ARMC12: variants seen among roughly 807,000 people sequenced by gnomAD.
ARMC12 encodes the protein armadillo repeat-containing protein 12.
In ARMC12, 25 loss-of-function variants were observed where a neutral mutation model predicts 37.4. That is an observed-to-expected ratio of 0.67 (90% CI 0.49 to 0.93). The LOEUF is 0.93. Among genes scored for constraint, ARMC12 ranks in the 40% least tolerant of loss-of-function variants. The probability of loss-of-function intolerance (pLI) is 0.00; values close to 1 mark genes in which losing one functional copy is unlikely to be tolerated. For synonymous variants in ARMC12, 167 were observed against 176.1 expected (o/e 0.95, Z 0.41); for missense variants, 384 against 426.6 (o/e 0.90, Z 0.88).
In ARMC12 at chr6:35,748,593, A is replaced by T; in HGVS notation, c.746A>T (p.Tyr249Phe). Reference sequence around the variant, plus strand: ...CCCACACAGTCAGGGAGTCTCCTGTATGAGGTACTGGTGTTTGCTGAGCGG... The same window carrying T: ...CCCACACAGTCAGGGAGTCTCCTGTTTGAGGTACTGGTGTTTGCTGAGCGG... Reference protein sequence around the residue: ...FQPTQSGSLLYEVLVFAERLS... With the variant: ...FQPTQSGSLLFEVLVFAERLS... Residue 249 changes from tyrosine (Y) to phenylalanine (F), a missense_variant, in exon 6 of 6, where the codon TAT becomes TTT. Tyr to Phe is a conservative substitution (Grantham distance 22, BLOSUM62 3). Transcript: ENST00000373866. 6.3e-7 allele frequency: 1 copy of T among 1,585,598 alleles called. No homozygotes were observed.
chr6:35,737,715 G>A (rs1767013989), intron 1 of ARMC12, among the ~76,000 whole-genome samples: 1 of 152,120 alleles, frequency 6.6e-6, no homozygotes, highest in Non-Finnish European at 1.5e-5. Flanking sequence ...ACTCTTTATT[G>A]CCATCTGCTG....
intron 3 of ARMC12, among the ~76,000 whole-genome samples, chr6:35,743,745 A>G (rs945889396): frequency 2.7e-5 from 4 of 148,662 alleles, no homozygotes; most frequent in African/African-American, 9.8e-5. Flanking sequence ...AGAAAAATAA[A>G]AGGCGGGGGG....
chr6:35,737,947 T>TCCCTGTCCCCTACTTCCCAACC, intron 1 of ARMC12, 80 bp from the exon 2 acceptor site: 1 of 1,593,166 alleles, frequency 6.3e-7, no homozygotes, highest in Non-Finnish European at 8.5e-7. Flanking sequence ...TGTCCCCAAG[T>TCCCTGTCCCCTACTTCCCAACC]CCCTGTCCCC....
intron 3 of ARMC12, among the ~76,000 whole-genome samples, chr6:35,745,509 GAGAT>G (rs1490808988): frequency 6.6e-6 from 1 of 152,176 alleles, no homozygotes; most frequent in African/African-American, 2.4e-5. Context: ...GGGGTCTCTT[GAGAT>G]AGATCTTTGT....
At chr6:35,733,510 A>C (rs1266765659), upstream of ARMC12, among the ~76,000 whole-genome samples, 2 of 152,132 alleles carry the variant, frequency 1.3e-5, no homozygotes, top group Non-Finnish European at 2.9e-5. Context: ...TCCATGACTA[A>C]ACTGGTTTGT....
chr6:35,745,738 T>C (rs1305072461), intron 3 of ARMC12, among the ~76,000 whole-genome samples: 1 of 152,198 alleles, frequency 6.6e-6, no homozygotes, highest in Non-Finnish European at 1.5e-5. Flanking sequence ...CAACTTCCTG[T>C]AAATTTATAA....
intron 3 of ARMC12, among the ~76,000 whole-genome samples, chr6:35,745,107 T>G (rs534493157): frequency 6.6e-6 from 1 of 152,340 alleles, no homozygotes; most frequent in African/African-American, 2.4e-5. Context: ...AATTCAGCAG[T>G]TGAACTCTTG....
intron 3 of ARMC12, among the ~76,000 whole-genome samples, chr6:35,742,136 T>G (rs1389643269): frequency 6.6e-6 from 1 of 151,420 alleles, no homozygotes; most frequent in African/African-American, 2.4e-5. Context: ...GGATTGCAGG[T>G]GTCAGTCACC....
intron 3 of ARMC12, among the ~76,000 whole-genome samples, chr6:35,746,267 T>A (rs1767335279): frequency 6.6e-6 from 1 of 151,914 alleles, no homozygotes; most frequent in Non-Finnish European, 1.5e-5. Context: ...GGATAGAGTG[T>A]GCTAAGCAGA....
At chr6:35,731,845 C>T in the ARMC12 span, among the ~76,000 whole-genome samples, 526 of 152,304 alleles carry the variant, frequency 3.5e-3, 9 homozygotes, top group East Asian at 0.032. Context: ...CCCCGTCGCT[C>T]CGCGTCCTAG....
At chr6:35,741,225 GC>G (rs1320105847) in intron 3 of ARMC12, among the ~76,000 whole-genome samples, 3 of 152,088 alleles carry the variant, frequency 2.0e-5, no homozygotes, top group African/African-American at 7.2e-5. Flanking sequence ...CTCACATTGT[GC>G]TGTGAACATT....
intron 1 of ARMC12, 44 bp downstream of exon 1, chr6:35,737,315 A>T (rs1182106316): frequency 1.9e-6 from 3 of 1,614,078 alleles, no homozygotes; most frequent in African/African-American, 2.7e-5. Context: ...CCCAGGAGGC[A>T]CCTGCTCCCG....
rs1356096477 is a variant in ARMC12 at position 35,738,294 on chromosome 6, G to A, written c.310-90G>A. 9 of 1,429,804 alleles carry A rather than the reference G, an allele frequency of 6.3e-6. 1 individual carries two copies. Among genetic ancestry groups the A allele is most frequent in the African/African-American group, 2.9e-5 (2 of 69,608 alleles). The allele number at this position is 1,429,804 out of a possible 1,614,324, so 88.6% of individuals were successfully genotyped here. A position where few individuals can be genotyped will look rare whatever the true frequency, so the allele number is the denominator to read the frequency against. On this transcript the variant is annotated intron_variant, in intron 2 of 5. Coordinates refer to ENST00000373866, the MANE Select transcript of ARMC12 (RefSeq NM_001286574.2). ...TCTCTGGCTGATAGCGGTGGGGGGG[G>A]GGTGTGCGGAGGGATCTTGGTGACA...
intron 5 of ARMC12, among the ~76,000 whole-genome samples, chr6:35,748,058 T>C (rs144824775): frequency 2.0e-5 from 3 of 152,308 alleles, no homozygotes; most frequent in Non-Finnish European, 4.4e-5. Context: ...TCTCAAAATA[T>C]ATACGACAAA....
chr6:35,742,032 A>G (rs1234655384), intron 3 of ARMC12, among the ~76,000 whole-genome samples: 2 of 151,160 alleles, frequency 1.3e-5, no homozygotes. Flanking sequence ...TAATTTTTGT[A>G]TTTTTTTAGA....
At chr6:35,733,190 A>G (rs906752660), upstream of ARMC12, among the ~76,000 whole-genome samples, 1 of 151,984 alleles carries the variant, frequency 6.6e-6, no homozygotes, top group East Asian at 1.9e-4. Flanking sequence ...GAGAGAGAGA[A>G]AAAATAAAAA....
intron 5 of ARMC12, 66 bp from the exon 6 acceptor site, chr6:35,748,472 A>T: frequency 7.5e-7 from 1 of 1,338,762 alleles, no homozygotes; most frequent in Non-Finnish European, 9.9e-7. Context: ...ATAGGAATAT[A>T]CAAGAACAAG....
At chr6:35,744,557 C>A (rs1048089709) in intron 3 of ARMC12, among the ~76,000 whole-genome samples, 1 of 151,944 alleles carries the variant, frequency 6.6e-6, no homozygotes, top group Non-Finnish European at 1.5e-5. Flanking sequence ...GGGTTTGAGA[C>A]CAGCCTGGGC....
intron 3 of ARMC12, among the ~76,000 whole-genome samples, chr6:35,744,550 T>A (rs1438452505): frequency 6.6e-6 from 1 of 151,772 alleles, no homozygotes; most frequent in Non-Finnish European, 1.5e-5. Context: ...AGGTCAGGGG[T>A]TTGAGACCAG....
Sources: gnomAD v4.1 joint callset for allele counts (sites outside exome capture counted in the v4.1 genomes callset) on GRCh38, gnomAD v4.1.1 for gene constraint, MANE v1.5 for transcripts, NCBI Gene and HGNC (gene_info 2026-07-23, HGNC 2026-07-21) for gene names.